FAM107B: variants seen among roughly 807,000 people sequenced by gnomAD.
FAM107B encodes the protein family with sequence similarity 107 member B.
Under a neutral mutation model 31.5 loss-of-function variants are expected in FAM107B, and 21 were observed. The observed-to-expected ratio is 0.67, with a 90% CI of 0.47 to 0.96. The LOEUF is 0.96. Ranked by LOEUF, FAM107B falls within the 40% of genes least tolerant of loss-of-function variation. FAM107B has a pLI of 0.00. For synonymous variants in FAM107B, 157 were observed against 141.5 expected, an observed-to-expected ratio of 1.11 and a Z score of -0.78; for missense variants, 452 against 377.1, an observed-to-expected ratio of 1.20 and a Z score of -1.64.
Position 14,744,639 on chromosome 10 carries a change from G to T in FAM107B, c.411+29614C>A, listed in dbSNP as rs1038147415. On this transcript the variant is annotated intron_variant, in intron 1 of 4. Transcript: ENST00000181796. Reference sequence around the variant, plus strand: ...TTGTCTTTAGTTCTGTTTTTGTGATGAATTACATTTATTGATTTGTGTATG... The same window carrying T: ...TTGTCTTTAGTTCTGTTTTTGTGATTAATTACATTTATTGATTTGTGTATG... Among the ~76,000 whole-genome samples, 5 of 152,268 alleles carry T rather than the reference G, an allele frequency of 3.3e-5. No individual in the cohort carries two copies. The East Asian group carries it at 5.8e-4, about 18-fold the overall frequency.
intron 1 of FAM107B, among the ~76,000 whole-genome samples, chr10:14,760,497 T>G (rs561187719): frequency 1.3e-5 from 2 of 150,432 alleles, no homozygotes; most frequent in African/African-American, 5.0e-5. Flanking sequence ...TACCTTATTA[T>G]TCTCTGCGAC....
intron 1 of FAM107B, among the ~76,000 whole-genome samples, chr10:14,689,512 C>T (rs1172330685): frequency 6.6e-6 from 1 of 151,914 alleles, no homozygotes; most frequent in Non-Finnish European, 1.5e-5. Context: ...AGGAAAGACA[C>T]CTTCTGGCCT....
intron 2 of FAM107B, among the ~76,000 whole-genome samples, chr10:14,661,939 C>T (rs1353745301): frequency 6.6e-6 from 1 of 152,158 alleles, no homozygotes; most frequent in African/African-American, 2.4e-5. Flanking sequence ...TTTCCCTTGT[C>T]ACTATTAGTA....
chr10:14,756,524 C>T (rs1339654311), intron 1 of FAM107B, among the ~76,000 whole-genome samples: 4 of 152,118 alleles, frequency 2.6e-5, no homozygotes, highest in Admixed American at 6.5e-5. Flanking sequence ...CAGCATCCAG[C>T]GAGGTTGTGG....
Position 14,570,233 on chromosome 10 carries a change from G to GGGGTGTGGGTGT in FAM107B, c.470-39719_470-39718insACACCCACACCC, listed in dbSNP as rs1554835078. 2.2e-4 allele frequency among the ~76,000 whole-genome samples: 31 copies of GGGGTGTGGGTGT among 140,340 alleles called. 1 individual carries two copies. Among genetic ancestry groups the GGGGTGTGGGTGT allele is most frequent in the Non-Finnish European group, 4.7e-5 (3 of 63,736 alleles). 92.1% of individuals were successfully genotyped at this position (140,340 alleles called of 152,430 possible). On this transcript the variant is annotated intron_variant, in intron 2 of 4. Coordinates refer to ENST00000181796, the MANE Select transcript of FAM107B (RefSeq NM_031453.4). ...ACGTACCTACCAAAAAAATGTGGTG[G>GGGGTGTGGGTGT]GTGTGTGTGTGTGTGTGTGTGTGTG... is the stretch of plus-strand genomic sequence containing the variant.
chr10:14,530,307 A>C (rs755386356), intron 3 of FAM107B, 25 bp downstream of exon 3: 14 of 1,587,202 alleles, frequency 8.8e-6, no homozygotes, highest in Non-Finnish European at 1.2e-5. Context: ...CTTAAAAAAA[A>C]AATATGCTCA....
intron 2 of FAM107B, among the ~76,000 whole-genome samples, chr10:14,563,996 T>C (rs1184549501): frequency 6.6e-6 from 1 of 152,230 alleles, no homozygotes; most frequent in Non-Finnish European, 1.5e-5. Flanking sequence ...TATTCTTCAT[T>C]ATAAATGGCC....
intron 2 of FAM107B, among the ~76,000 whole-genome samples, chr10:14,572,592 T>C (rs1851299873): frequency 1.3e-5 from 2 of 151,524 alleles, no homozygotes; most frequent in Admixed American, 1.3e-4. Context: ...GGTGCGGTGG[T>C]GTGCACCCGT....
chr10:14,588,467 G>T (rs550992961), intron 2 of FAM107B, among the ~76,000 whole-genome samples: 1 of 152,312 alleles, frequency 6.6e-6, no homozygotes, highest in South Asian at 2.1e-4. Flanking sequence ...CCACGTGAAA[G>T]TCTCCCTGGA....
At chr10:14,590,518 G>A (rs1249843743) in intron 2 of FAM107B, among the ~76,000 whole-genome samples, 7 of 152,204 alleles carry the variant, frequency 4.6e-5, no homozygotes, top group Admixed American at 4.6e-4. Flanking sequence ...AACTGCGGAT[G>A]TAGTATGTCA....
At chr10:14,649,599 A>G (rs533195383) in intron 2 of FAM107B, among the ~76,000 whole-genome samples, 9 of 152,324 alleles carry the variant, frequency 5.9e-5, no homozygotes, top group African/African-American at 2.2e-4. Flanking sequence ...GCACTTGCCA[A>G]TCAGAAAATC....
chr10:14,559,110 A>AC (rs60698333), intron 2 of FAM107B, among the ~76,000 whole-genome samples: 27,594 of 83,580 alleles, frequency 0.33, 2,921 homozygotes, highest in East Asian at 0.57. Context: ...AAAAAAAAAA[A>AC]AAAAAAACAA....
intron 3 of FAM107B, chr10:14,528,131 T>A: frequency 4.4e-6 from 1 of 226,974 alleles, no homozygotes; most frequent in South Asian, 4.4e-5. Flanking sequence ...TCACTTATTA[T>A]GTTAAGCATT....
At chr10:14,655,066 G>T (rs991612339) in intron 2 of FAM107B, among the ~76,000 whole-genome samples, 1 of 152,172 alleles carries the variant, frequency 6.6e-6, no homozygotes, top group African/African-American at 2.4e-5. Flanking sequence ...GAGGCAAAAG[G>T]GGAGCTGGCA....
intron 1 of FAM107B, among the ~76,000 whole-genome samples, chr10:14,741,562 A>G (rs911038087): frequency 6.6e-6 from 1 of 152,120 alleles, no homozygotes; most frequent in Admixed American, 6.5e-5. Flanking sequence ...CTGACCCCAG[A>G]TCTGAGCCCC....
intron 1 of FAM107B, among the ~76,000 whole-genome samples, chr10:14,709,345 G>A (rs145177303): frequency 1.2e-4 from 18 of 152,298 alleles, no homozygotes; most frequent in East Asian, 1.9e-4. Flanking sequence ...AAAGAAAGAC[G>A]TTTAATGAAC....
At chr10:14,523,387 A>G (rs1845874577) in intron 3 of FAM107B, among the ~76,000 whole-genome samples, 1 of 152,248 alleles carries the variant, frequency 6.6e-6, no homozygotes, top group African/African-American at 2.4e-5. Flanking sequence ...GGGTGTAGGT[A>G]ACAGCGCACA....
Position 14,530,529 on chromosome 10 carries a change from A to G in FAM107B, c.470-14T>C. 1 of 1,610,748 alleles carries G rather than the reference A, an allele frequency of 6.2e-7. No homozygotes were observed. ...CAGGTGGGCTGTCTGAAAGAGAAAGATGAGAAACACTCATTTGCAGTTTTT... is the reference window on the plus strand; with the variant it reads ...CAGGTGGGCTGTCTGAAAGAGAAAGGTGAGAAACACTCATTTGCAGTTTTT... On this transcript the variant is annotated splice_polypyrimidine_tract_variant and intron_variant, in intron 2 of 4. Transcript: ENST00000181796.
chr10:14,689,087 C>A (rs1855060754), intron 1 of FAM107B, among the ~76,000 whole-genome samples: 1 of 152,090 alleles, frequency 6.6e-6, no homozygotes, highest in South Asian at 2.1e-4. Context: ...CGAGAACCAA[C>A]ACATGGACCT....
Sources: allele counts gnomAD v4.1 joint callset (sites outside exome capture counted in the v4.1 genomes callset), GRCh38; gene constraint gnomAD v4.1.1; transcripts MANE v1.5; gene names NCBI Gene and HGNC (gene_info 2026-07-23, HGNC 2026-07-21).